The following MTA3 variants were observed in gnomAD, a reference collection of about 807,000 sequenced individuals.
The protein encoded by MTA3 is metastasis-associated protein MTA3.
Under a neutral mutation model 83.5 loss-of-function variants are expected in MTA3, and 34 were observed. That is an observed-to-expected ratio of 0.41 (90% confidence interval 0.31 to 0.54). The LOEUF (loss-of-function observed/expected upper bound fraction) is 0.54, where lower values mean the gene tolerates loss of function less well. Ranked by LOEUF, MTA3 falls within the 20% of genes least tolerant of loss-of-function variation. The probability of loss-of-function intolerance (pLI) is 0.33; values close to 1 mark genes in which losing one functional copy is unlikely to be tolerated. For synonymous variants in MTA3, 303 were observed against 252.7 expected (o/e 1.20, Z -1.89); for missense variants, 761 against 726.4 (o/e 1.05, Z -0.55).
intron 4 of MTA3, among the ~76,000 whole-genome samples, chr2:42,627,996 C>A (rs570366221): frequency 1.3e-5 from 2 of 150,650 alleles, no homozygotes; most frequent in Admixed American, 1.3e-4. Flanking sequence ...GTGATTCTCC[C>A]GCCTCAGCCT....
At chr2:42,723,187 T>A (rs559196242) in intron 16 of MTA3, 152 bp downstream of exon 16, 21 of 913,914 alleles carry the variant, frequency 2.3e-5, no homozygotes, top group Non-Finnish European at 2.9e-5. Flanking sequence ...TACAGCCATA[T>A]GCCACATTTT....
intron 2 of MTA3, among the ~76,000 whole-genome samples, chr2:42,515,075 G>A (rs1675078574): frequency 6.6e-6 from 1 of 151,548 alleles, no homozygotes; most frequent in Non-Finnish European, 1.5e-5. Context: ...TTAATTTTTT[G>A]AGACAGAGTC....
intron 9 of MTA3, among the ~76,000 whole-genome samples, chr2:42,690,982 T>C (rs1419211057): frequency 6.6e-6 from 1 of 152,064 alleles, no homozygotes; most frequent in Non-Finnish European, 1.5e-5. Context: ...GTTCAAGTGA[T>C]TCTCCTGCCT....
chr2:42,630,784 T>A (rs1686598033), intron 4 of MTA3, among the ~76,000 whole-genome samples: 1 of 152,206 alleles, frequency 6.6e-6, no homozygotes, highest in African/African-American at 2.4e-5. Flanking sequence ...GTTGAAAGTA[T>A]CTTAATTTTT....
intron 2 of MTA3, among the ~76,000 whole-genome samples, chr2:42,548,194 C>A (rs1330418598): frequency 6.6e-6 from 1 of 152,124 alleles, no homozygotes; most frequent in African/African-American, 2.4e-5. Context: ...GCCGGGCGCG[C>A]TGGCTCATGC....
intron 3 of MTA3, among the ~76,000 whole-genome samples, chr2:42,600,282 G>T (rs1210333551): frequency 2.0e-5 from 3 of 152,126 alleles, no homozygotes; most frequent in Admixed American, 1.3e-4. Context: ...AGGGCAACAG[G>T]ATTAGAAGAA....
At chr2:42,668,460 G>A (rs1480091325) in intron 8 of MTA3, among the ~76,000 whole-genome samples, 1 of 152,076 alleles carries the variant, frequency 6.6e-6, no homozygotes, top group African/African-American at 2.4e-5. Context: ...AAAGGCTGCC[G>A]CTGAGTTCCC....
intron 2 of MTA3, among the ~76,000 whole-genome samples, chr2:42,508,394 C>G (rs10208504): frequency 0.23 from 35,072 of 151,738 alleles, 4,080 homozygotes; most frequent in Middle Eastern, 0.26. Context: ...TGCAGTGGCA[C>G]CATCTCCACT....
chr2:42,686,596 G>A (rs1004513722), intron 9 of MTA3, among the ~76,000 whole-genome samples: 2 of 151,788 alleles, frequency 1.3e-5, no homozygotes, highest in African/African-American at 4.8e-5. Flanking sequence ...AGGCCGAGGC[G>A]GGCGGATCAC....
chr2:42,627,343 A>G (rs952204551), intron 4 of MTA3, among the ~76,000 whole-genome samples: 1 of 151,650 alleles, frequency 6.6e-6, no homozygotes, highest in Non-Finnish European at 1.5e-5. Flanking sequence ...CTTCCAAACC[A>G]CTGCCAGGCC....
chr2:42,645,265 C>G (rs893173581), intron 6 of MTA3, among the ~76,000 whole-genome samples: 1 of 151,856 alleles, frequency 6.6e-6, no homozygotes, highest in Non-Finnish European at 1.5e-5. Flanking sequence ...TGGCTCATGC[C>G]TTTAATCCCA....
At chr2:42,535,113 G>A (rs940039967) in intron 2 of MTA3, among the ~76,000 whole-genome samples, 2 of 152,012 alleles carry the variant, frequency 1.3e-5, no homozygotes, top group African/African-American at 2.4e-5. Context: ...CAGGCTGGGC[G>A]CGGTGGCTCA....
At chr2:42,674,701 G>A (rs1227909941) in intron 8 of MTA3, among the ~76,000 whole-genome samples, 6 of 150,616 alleles carry the variant, frequency 4.0e-5, no homozygotes, top group Non-Finnish European at 7.4e-5. Flanking sequence ...TGAGTTCAAG[G>A]GATTCTCCTG....
At chr2:42,678,845 T>C (rs957838192) in intron 8 of MTA3, among the ~76,000 whole-genome samples, 9 of 152,242 alleles carry the variant, frequency 5.9e-5, no homozygotes, top group African/African-American at 1.9e-4. Context: ...GTTTTCACTT[T>C]AATAGATGTT....
intron 2 of MTA3, among the ~76,000 whole-genome samples, chr2:42,548,202 T>C (rs1409127726): frequency 1.3e-5 from 2 of 152,156 alleles, no homozygotes; most frequent in Admixed American, 1.3e-4. Flanking sequence ...CGCTGGCTCA[T>C]GCCTGGAATC....
At chr2:42,575,109 C>T (rs529011731) in intron 2 of MTA3, among the ~76,000 whole-genome samples, 8 of 152,316 alleles carry the variant, frequency 5.3e-5, no homozygotes, top group South Asian at 2.1e-4. Flanking sequence ...CCTCCACTTT[C>T]GCTGAAAGCA....
intron 16 of MTA3, among the ~76,000 whole-genome samples, chr2:42,738,113 T>G (rs1032576058): frequency 7.2e-5 from 11 of 152,040 alleles, no homozygotes; most frequent in African/African-American, 2.7e-4. Context: ...AATACAAAAA[T>G]TAGCTGATCA....
intron 3 of MTA3, among the ~76,000 whole-genome samples, chr2:42,603,106 A>G (rs901830450): frequency 6.9e-5 from 7 of 102,188 alleles, no homozygotes. Flanking sequence ...CAATAAATTT[A>G]CTTTTTTTTT....
intron 2 of MTA3, among the ~76,000 whole-genome samples, chr2:42,509,863 T>C (rs1421873793): frequency 6.6e-6 from 1 of 152,202 alleles, no homozygotes; most frequent in Non-Finnish European, 1.5e-5. Context: ...CTGAACTGGC[T>C]ATATTAATGT....
Sources: gnomAD v4.1 joint callset for allele counts (sites outside exome capture counted in the v4.1 genomes callset) on GRCh38, gnomAD v4.1.1 for gene constraint, MANE v1.5 for transcripts, NCBI Gene and HGNC (gene_info 2026-07-23, HGNC 2026-07-21) for gene names.